Variants in HSPA2 observed in about 807,000 individuals in gnomAD.
The protein encoded by HSPA2 is heat shock-related 70 kDa protein 2.
In HSPA2, 13 loss-of-function variants were observed where a neutral mutation model predicts 35.0. The observed-to-expected ratio is 0.37, with a 90% CI of 0.24 to 0.59. The LOEUF (loss-of-function observed/expected upper bound fraction) is 0.59. Among genes scored for constraint, HSPA2 ranks in the 20% least tolerant of loss-of-function variants. HSPA2 has a pLI of 0.70. For synonymous variants in HSPA2, 368 were observed against 382.1 expected (o/e 0.96, Z 0.43); for missense variants, 565 against 885.4 (o/e 0.64, Z 4.59).
rs200475685 is a variant in HSPA2 at position 64,541,635 on chromosome 14, C to G, written c.786C>G (p.Ala262=). 28 of 1,611,442 alleles carry G rather than the reference C, an allele frequency of 1.7e-5. No individual in the cohort carries two copies. The African/African-American group carries it at 2.8e-4, about 16-fold the overall frequency. The stretch of plus-strand genomic sequence containing the variant: ...AGGACATTGGGCCCAACAAGCGCGC[C>G]GTGAGGCGGCTGCGCACCGCTTGCG... ...HKKDIGPNKR[A]VRRLRTACER... Residue 262 remains alanine, a synonymous_variant, in exon 1 of 1, where the codon GCC becomes GCG. Coordinates refer to ENST00000247207, the MANE Select transcript of HSPA2 (RefSeq NM_021979.4).
At position 64,542,734 on chromosome 14, in the gene HSPA2, G is replaced by C; in HGVS notation, c.1885G>C (p.Ala629Pro). ...CGGCAGCGGCGGCGGCGGTTCAGGA[G>C]CCTCCGGGGGACCCACCATCGAAGA... ...GGGSGGGGSG[A>P]SGGPTIEEVD The change falls in exon 1 of 1, where the codon GCC becomes CCC. Residue 629 changes from alanine to proline, a missense_variant. Around this residue, in one of 4 missense-constraint regions of HSPA2, gnomAD observed 147 missense variants for 166.7 expected, o/e 0.88. Transcript: ENST00000247207. This position sits in a 1 kb window ranked among gnomAD's most constrained non-coding sequence, Gnocchi z 5.7. 1.2e-6 allele frequency: 2 copies of C among 1,612,410 alleles called. No homozygotes were observed. Among genetic ancestry groups the C allele is most frequent in the East Asian group, 4.5e-5 (2 of 44,842 alleles).
upstream of HSPA2, among the ~76,000 whole-genome samples, chr14:64,537,135 A>G (rs985354235): frequency 6.6e-6 from 1 of 152,222 alleles, no homozygotes; most frequent in African/African-American, 2.4e-5. Context: ...TGTGTTTCTC[A>G]CATTCTTTGT....
upstream of HSPA2, among the ~76,000 whole-genome samples, chr14:64,540,036 C>A (rs2080012024): frequency 6.6e-6 from 1 of 152,142 alleles, no homozygotes; most frequent in African/African-American, 2.4e-5. Flanking sequence ...GAAGCACCCA[C>A]CATAAAATCC....
upstream of HSPA2, among the ~76,000 whole-genome samples, chr14:64,537,814 G>A (rs2079990898): frequency 2.0e-5 from 3 of 148,864 alleles, no homozygotes; most frequent in South Asian, 6.5e-4. Context: ...TGCAACCTCT[G>A]CCTCCCGGAT....
rs563116596 is a variant in HSPA2, at chr14:64,542,606, G to A, written c.1757G>A (p.Arg586Gln). Residue 586 changes from arginine (R) to glutamine (Q), a missense_variant, in exon 1 of 1, where the codon CGA becomes CAA. Around this residue, in one of 4 missense-constraint regions of HSPA2, gnomAD observed 147 missense variants for 166.7 expected, o/e 0.88. Transcript: ENST00000247207. The surrounding 1 kb of genome is among the most constrained non-coding windows in gnomAD (Gnocchi z 5.7). ...CAGGAGGTGATCAACTGGCTCGACC[G>A]AAACCAGATGGCAGAGAAAGATGAG... Reference protein sequence around the residue: ...KCQEVINWLDRNQMAEKDEYE... With the variant: ...KCQEVINWLDQNQMAEKDEYE... The A allele has an allele frequency of 1.2e-5, 19 of 1,613,870 alleles. No individual in the cohort carries two copies. The East Asian group carries it at 2.7e-4, about 23-fold the overall frequency.
rs1301175881 is a variant in HSPA2 at position 64,542,652 on chromosome 14, G to A, written c.1803G>A (p.Glu601=). 1.2e-6 allele frequency: 2 copies of A among 1,613,904 alleles called. No homozygotes were observed. The highest frequency in any genetic ancestry group is 1.7e-5 in the Admixed American group (1 of 59,996). The change falls in exon 1 of 1, where the codon GAG becomes GAA. Residue 601 remains glutamate (E), a synonymous_variant. Coordinates refer to ENST00000247207, the MANE Select transcript of HSPA2 (RefSeq NM_021979.4). This position sits in a 1 kb window ranked among gnomAD's most constrained non-coding sequence, Gnocchi z 5.7. ...ATGAGTATGAACACAAGCAGAAAGA[G>A]CTCGAAAGAGTTTGCAACCCCATCA... ...EKDEYEHKQK[E]LERVCNPIIS... is the part of the protein sequence containing the mutation.
At chr14:64,540,731 G>A (rs912789298), upstream of HSPA2, 3 of 1,451,376 alleles carry the variant, frequency 2.1e-6, no homozygotes, top group Admixed American at 2.3e-5. Context: ...GGAACTGGGC[G>A]CGGGGAGCTG....
In HSPA2 at chr14:64,541,440, C is replaced by G; in HGVS notation, c.591C>G (p.Asn197Lys). Residue 197 changes from asparagine (N) to lysine (K), a missense_variant, in exon 1 of 1, where the codon AAC (asparagine) becomes AAG (lysine). Asn to Lys is a moderately conservative substitution (Grantham distance 94, BLOSUM62 0). Coordinates refer to ENST00000247207, the MANE Select transcript of HSPA2 (RefSeq NM_021979.4). Reference protein sequence around the residue: ...DKKGCAGGEKNVLIFDLGGGT... With the variant: ...DKKGCAGGEKKVLIFDLGGGT... ...AGGGCTGCGCGGGCGGCGAGAAGAA[C>G]GTGCTCATCTTTGACCTGGGCGGTG... The G allele has an allele frequency of 6.2e-7, 1 of 1,613,688 alleles. No individual in the cohort carries two copies. The highest frequency in any genetic ancestry group is 8.5e-7 in the Non-Finnish European group (1 of 1,179,874).
Position 64,540,743 on chromosome 14 carries a change from G to A in HSPA2, c.-107G>A. The A allele has an allele frequency of 4.6e-6, 7 of 1,512,414 alleles. No individual in the cohort carries two copies. In the South Asian group the frequency reaches 6.4e-5, roughly 14 times the overall value. 93.7% of individuals were successfully genotyped at this position (1,512,414 alleles called of 1,614,324 possible). A position where few individuals can be genotyped will look rare whatever the true frequency, so the allele number is the denominator to read the frequency against. ...CCGGGAACTGGGCGCGGGGAGCTGA[G>A]TTGCTGGTAGTGCCCGTGGTGCTTG... On this transcript the variant is annotated 5_prime_UTR_variant, in exon 1 of 1. Coordinates refer to ENST00000247207, the MANE Select transcript of HSPA2 (RefSeq NM_021979.4).
upstream of HSPA2, among the ~76,000 whole-genome samples, chr14:64,540,099 G>A (rs2080012780): frequency 6.6e-6 from 1 of 152,034 alleles, no homozygotes; most frequent in Non-Finnish European, 1.5e-5. Flanking sequence ...CCCCGTCCAA[G>A]GGATCCGCCC....
chr14:64,540,747 C>T lies in HSPA2; in HGVS notation c.-103C>T, dbSNP rs1014225625. 7 of 1,520,768 alleles carry T rather than the reference C, an allele frequency of 4.6e-6. No individual in the cohort carries two copies. Among genetic ancestry groups the T allele is most frequent in the African/African-American group, 4.2e-5 (3 of 72,192 alleles). 94.2% of individuals were successfully genotyped at this position (1,520,768 alleles called of 1,614,324 possible). A position where few individuals can be genotyped will look rare whatever the true frequency, so the allele number is the denominator to read the frequency against. ...GAACTGGGCGCGGGGAGCTGAGTTG[C>T]TGGTAGTGCCCGTGGTGCTTGGTTC... On this transcript the variant is annotated 5_prime_UTR_variant, in exon 1 of 1. Transcript: ENST00000247207.
Position 64,542,132 on chromosome 14 carries a change from C to G in HSPA2, c.1283C>G (p.Thr428Arg). 1 of 1,613,656 alleles carries G rather than the reference C, an allele frequency of 6.2e-7. No homozygotes were observed. The highest frequency in any genetic ancestry group is 8.5e-7 in the Non-Finnish European group (1 of 1,180,022). ...AACACCACGATCCCCACCAAGCAGA[C>G]GCAGACCTTCACCACCTACTCGGAC... ...KRNTTIPTKQ[T>R]QTFTTYSDNQ... Residue 428 changes from threonine to arginine, a missense_variant, in exon 1 of 1, where the codon ACG becomes AGG. By Grantham distance (71) the Thr-to-Arg change is moderately conservative. Transcript: ENST00000247207. The surrounding 1 kb of genome is among the most constrained non-coding windows in gnomAD (Gnocchi z 5.7).
At chr14:64,540,101 G>A (rs1017641138), upstream of HSPA2, among the ~76,000 whole-genome samples, 8 of 151,918 alleles carry the variant, frequency 5.3e-5, no homozygotes, top group Non-Finnish European at 1.2e-4. Context: ...CCGTCCAAGG[G>A]ATCCGCCCTC....
chr14:64,540,706 C>T (rs2080020531), upstream of HSPA2: 2 of 1,263,918 alleles, frequency 1.6e-6, no homozygotes, highest in South Asian at 1.5e-5. Flanking sequence ...TTCCCAGAGG[C>T]GGCTATAAGA....
upstream of HSPA2, among the ~76,000 whole-genome samples, chr14:64,539,959 G>A (rs966640013): frequency 1.3e-5 from 2 of 152,184 alleles, no homozygotes; most frequent in Non-Finnish European, 2.9e-5. Flanking sequence ...GATTACAGGC[G>A]TTAGCCACTG....
chr14:64,538,883 G>A (rs1009637159), upstream of HSPA2, among the ~76,000 whole-genome samples: 1 of 152,226 alleles, frequency 6.6e-6, no homozygotes, highest in African/African-American at 2.4e-5. Context: ...TGTCGCCCAG[G>A]CTGGAGTGCA....
rs182775961 is a variant in HSPA2, at chr14:64,540,826, A to G, written c.-24A>G. On this transcript the variant is annotated 5_prime_UTR_variant, in exon 1 of 1. Coordinates refer to ENST00000247207, the MANE Select transcript of HSPA2 (RefSeq NM_021979.4). ...TTCATCTCCCTGGTTTTCCCGTCCT[A>G]ACGTCGCTCGCCTTTCAGTCAGGAT... 171 of 1,612,270 alleles carry G rather than the reference A, an allele frequency of 1.1e-4. 1 individual carries two copies. In the African/African-American group the frequency reaches 2.0e-3, roughly 19 times the overall value.
upstream of HSPA2, among the ~76,000 whole-genome samples, chr14:64,538,526 C>T (rs139698044): frequency 3.4e-3 from 525 of 152,356 alleles, no homozygotes; most frequent in Admixed American, 6.7e-3. Flanking sequence ...TAAAGAATGG[C>T]TTTCCTACTC....
At chr14:64,540,117 C>T (rs921667551), upstream of HSPA2, among the ~76,000 whole-genome samples, 1 of 152,170 alleles carries the variant, frequency 6.6e-6, no homozygotes, top group African/African-American at 2.4e-5. Flanking sequence ...CCCTCACCCC[C>T]CACCCCAGCC....
Sources: allele counts gnomAD v4.1 joint callset (sites outside exome capture counted in the v4.1 genomes callset), GRCh38; gene constraint gnomAD v4.1.1; regional missense constraint gnomAD v4.1.1; non-coding constraint Gnocchi (gnomAD v3.1); transcripts MANE v1.5; gene names NCBI Gene and HGNC (gene_info 2026-07-23, HGNC 2026-07-21).